Variants in FAM193A observed in about 807,000 individuals in gnomAD.
FAM193A encodes protein FAM193A.
FAM193A carries 22 observed loss-of-function variants against 126.5 expected under a neutral mutation model. The ratio of observed to expected loss-of-function variants is 0.17; its 90% CI spans 0.12 to 0.25. FAM193A has a LOEUF of 0.25. Among genes scored for constraint, FAM193A ranks in the 10% least tolerant of loss-of-function variants. The pLI is 1.00. For missense variants in FAM193A, 1,675 were observed against 1,672.8 expected (o/e 1.00, Z -0.02); for synonymous variants, 761 against 646.8 (o/e 1.18, Z -2.68).
chr4:2,649,539 G>A (rs1745465052), intron 7 of FAM193A, among the ~76,000 whole-genome samples: 1 of 152,098 alleles, frequency 6.6e-6, no homozygotes, highest in Non-Finnish European at 1.5e-5. Flanking sequence ...TGCCATGGTA[G>A]TGTGCACTTG....
At chr4:2,660,135 A>G in intron 10 of FAM193A, 81 bp downstream of exon 10, 1 of 1,406,126 alleles carries the variant, frequency 7.1e-7, no homozygotes, top group Non-Finnish European at 9.8e-7. Context: ...TGTCCACAGA[A>G]GTATGAACAT....
intron 12 of FAM193A, among the ~76,000 whole-genome samples, chr4:2,670,092 TCTCCCA>T (rs1218843134): frequency 2.6e-5 from 4 of 152,152 alleles, no homozygotes; most frequent in Non-Finnish European, 5.9e-5. Context: ...TGCTGGCTGC[TCTCCCA>T]CAGGCCTCTG....
At chr4:2,638,900 C>T (rs944079697) in intron 5 of FAM193A, among the ~76,000 whole-genome samples, 4 of 152,114 alleles carry the variant, frequency 2.6e-5, no homozygotes, top group East Asian at 1.9e-4. Context: ...ACTCAGGAGA[C>T]GTGGAGTAGC....
chr4:2,625,691 T>G, intron 3 of FAM193A: 1 of 233,412 alleles, frequency 4.3e-6, no homozygotes, highest in Non-Finnish European at 8.1e-6. Flanking sequence ...TGCTTCTCAG[T>G]GGCTGAGGGG....
At chr4:2,602,669 T>C (rs931242106) in intron 2 of FAM193A, among the ~76,000 whole-genome samples, 5 of 152,028 alleles carry the variant, frequency 3.3e-5, no homozygotes, top group Non-Finnish European at 7.4e-5. Flanking sequence ...GATGTTTTTG[T>C]TTTTGTTTTG....
chr4:2,612,145 G>A (rs949468165), intron 2 of FAM193A, among the ~76,000 whole-genome samples: 1 of 151,462 alleles, frequency 6.6e-6, no homozygotes, highest in African/African-American at 2.4e-5. Context: ...TCCAATTTGT[G>A]TTTCTAAATG....
chr4:2,638,719 A>G (rs1003292755), intron 5 of FAM193A, among the ~76,000 whole-genome samples: 2 of 143,870 alleles, frequency 1.4e-5, no homozygotes, highest in African/African-American at 5.9e-5. Flanking sequence ...TTTACTTTCA[A>G]TCATTATAAT....
At chr4:2,668,214 T>G (rs1462427398) in intron 12 of FAM193A, among the ~76,000 whole-genome samples, 3 of 106,312 alleles carry the variant, frequency 2.8e-5, no homozygotes, top group Non-Finnish European at 5.7e-5. Flanking sequence ...AATATGCATC[T>G]TTTTTTTTTT....
chr4:2,562,640 T>TG (rs1177806970), intron 1 of FAM193A, among the ~76,000 whole-genome samples: 5 of 151,968 alleles, frequency 3.3e-5, no homozygotes, highest in African/African-American at 1.2e-4. Flanking sequence ...TTTTTTGTTT[T>TG]TTTTTTTTTA....
intron 18 of FAM193A, 115 bp from the exon 19 acceptor site, chr4:2,699,565 C>G: frequency 1.0e-6 from 1 of 1,004,110 alleles, no homozygotes; most frequent in South Asian, 1.7e-5. Context: ...ATTACAGCCT[C>G]TTCAGAGTTT....
Position 2,676,912 on chromosome 4 carries a change from G to C in FAM193A, c.2331+4540G>C, listed in dbSNP as rs530814483. The stretch of plus-strand genomic sequence containing the variant: ...GCCGAGATCACGTCACTGCACTCCA[G>C]CTTGGGCGACAGAGCAAGATTCCGT... On this transcript the variant is annotated intron_variant, in intron 13 of 20. Coordinates refer to ENST00000637812, the MANE Select transcript of FAM193A (RefSeq NM_001366318.2). Among the ~76,000 whole-genome samples, 3 of 152,114 alleles carry C rather than the reference G, an allele frequency of 2.0e-5. No homozygotes were observed. The East Asian group carries it at 5.8e-4, about 29-fold the overall frequency.
intron 13 of FAM193A, among the ~76,000 whole-genome samples, chr4:2,676,623 G>A (rs946945646): frequency 2.6e-5 from 4 of 152,024 alleles, no homozygotes; most frequent in Non-Finnish European, 4.4e-5. Flanking sequence ...TTACTCTGTC[G>A]ATAGTGTCTG....
rs143562292 is a variant in FAM193A at position 2,696,570 on chromosome 4, C to A, written c.3484C>A (p.Arg1162=). Residue 1162 remains arginine (R), a synonymous_variant, in exon 18 of 21, where the codon CGA becomes AGA. Coordinates refer to ENST00000637812, the MANE Select transcript of FAM193A (RefSeq NM_001366318.2). ...AGTGAGCAGCACGCGTGCAGCGAAG[C>A]GAGCAAGGCATAAGCAAAGGAAGGC... ...KPVSSTRAAK[R]ARHKQRKLEE... The A allele has an allele frequency of 5.0e-6, 8 of 1,614,106 alleles. No individual in the cohort carries two copies. Among genetic ancestry groups the A allele is most frequent in the Non-Finnish European group, 6.8e-6 (8 of 1,179,964 alleles).
intron 12 of FAM193A, among the ~76,000 whole-genome samples, chr4:2,671,691 C>T (rs140560541): frequency 2.4e-3 from 373 of 152,342 alleles, no homozygotes; most frequent in African/African-American, 7.8e-3. Context: ...GACCTCTTCA[C>T]TCCACCGTAA....
At chr4:2,634,498 G>T (rs1271066166) in intron 5 of FAM193A, among the ~76,000 whole-genome samples, 1 of 152,084 alleles carries the variant, frequency 6.6e-6, no homozygotes, top group Non-Finnish European at 1.5e-5. Context: ...ACATAACAAA[G>T]ATATTTAAAT....
In FAM193A at chr4:2,700,519, A is replaced by G. The variant is rs1359288777; in HGVS notation, c.4347A>G (p.Lys1449=). The change falls in exon 19 of 21, where the codon AAA becomes AAG. Residue 1449 remains lysine, a synonymous_variant. Coordinates refer to ENST00000637812, the MANE Select transcript of FAM193A (RefSeq NM_001366318.2). ...AGAACAAGAAAAATAAGAAGAAGAA[A>G]GGAGACAGAGTCAACAATTCAATTG... ...KGKNKKNKKK[K]GDRVNNSIDD... The G allele has an allele frequency of 6.2e-7, 1 of 1,612,052 alleles. No homozygotes were observed. The highest frequency in any genetic ancestry group is 8.5e-7 in the Non-Finnish European group (1 of 1,179,440).
intron 4 of FAM193A, among the ~76,000 whole-genome samples, chr4:2,627,744 ATTTTTT>A (rs764315526): frequency 8.8e-6 from 1 of 113,462 alleles, no homozygotes; most frequent in African/African-American, 3.4e-5. Context: ...TGCCCAGCTA[ATTTTTT>A]TTTTTTTTTT....
chr4:2,655,214 T>C (rs1273912079), intron 7 of FAM193A: 1 of 551,912 alleles, frequency 1.8e-6, no homozygotes, highest in African/African-American at 1.9e-5. Context: ...CCTTTATTTC[T>C]AGTTGATTTA....
chr4:2,711,268 C>G (rs1403281994), intron 19 of FAM193A, among the ~76,000 whole-genome samples: 3 of 152,050 alleles, frequency 2.0e-5, no homozygotes, highest in African/African-American at 7.2e-5. Context: ...GCACGTGGAA[C>G]TTTCCTCTGA....
Sources: allele counts gnomAD v4.1 joint callset (sites outside exome capture counted in the v4.1 genomes callset), GRCh38; gene constraint gnomAD v4.1.1; transcripts MANE v1.5; gene names NCBI Gene and HGNC (gene_info 2026-07-23, HGNC 2026-07-21).